BNC2: variants seen among roughly 807,000 people sequenced by gnomAD.
The protein encoded by BNC2 is basonuclin zinc finger protein 2.
BNC2 carries 20 observed loss-of-function variants against 76.3 expected under a neutral mutation model. The ratio of observed to expected loss-of-function variants is 0.26; its 90% CI spans 0.18 to 0.38. The LOEUF (loss-of-function observed/expected upper bound fraction) is 0.38, where lower values mean the gene tolerates loss of function less well. Ranked by LOEUF, BNC2 falls within the 10% of genes least tolerant of loss-of-function variation. The pLI is 1.00. For missense variants in BNC2, 1,382 were observed against 1,399.8 expected (o/e 0.99, Z 0.20); for synonymous variants, 582 against 514.8 (o/e 1.13, Z -1.77).
chr9:16,629,406 G>A (rs1404296037), intron 3 of BNC2, among the ~76,000 whole-genome samples: 1 of 152,108 alleles, frequency 6.6e-6, no homozygotes, highest in Non-Finnish European at 1.5e-5. Flanking sequence ...TGGCCTCTGT[G>A]GTTTCTTCCT....
intron 3 of BNC2, among the ~76,000 whole-genome samples, chr9:16,694,948 T>A (rs563652969): frequency 6.6e-6 from 1 of 152,302 alleles, no homozygotes; most frequent in South Asian, 2.1e-4. Flanking sequence ...GTAGTCTGTA[T>A]CAGACAGGTA....
chr9:16,486,887 A>G (rs1822175125), intron 5 of BNC2, among the ~76,000 whole-genome samples: 1 of 151,994 alleles, frequency 6.6e-6, no homozygotes, highest in Non-Finnish European at 1.5e-5. Context: ...CACCATGCCT[A>G]ATTTTTTTTA....
intron 3 of BNC2, among the ~76,000 whole-genome samples, chr9:16,623,087 T>A (rs1390614850): frequency 6.6e-6 from 1 of 152,184 alleles, no homozygotes; most frequent in Non-Finnish European, 1.5e-5. Flanking sequence ...CATGTATTTT[T>A]ACCAAAATGA....
intron 1 of BNC2, among the ~76,000 whole-genome samples, chr9:16,819,558 G>A (rs536172636): frequency 1.3e-5 from 2 of 152,100 alleles, no homozygotes; most frequent in East Asian, 1.9e-4. Context: ...AGCTACTCAG[G>A]AGGCAGCAGA....
At chr9:16,559,044 G>A (rs1818928992) in intron 4 of BNC2, among the ~76,000 whole-genome samples, 1 of 152,100 alleles carries the variant, frequency 6.6e-6, no homozygotes, top group South Asian at 2.1e-4. Context: ...GGAATGAAGA[G>A]TATTCTAAAC....
intron 1 of BNC2, among the ~76,000 whole-genome samples, chr9:16,782,019 G>A (rs1441988406): frequency 6.6e-6 from 1 of 152,036 alleles, no homozygotes; most frequent in Non-Finnish European, 1.5e-5. Flanking sequence ...GGGCGTGGTG[G>A]CTCATGCCTG....
chr9:16,760,438 A>C (rs1329741891), intron 1 of BNC2, among the ~76,000 whole-genome samples: 1 of 152,200 alleles, frequency 6.6e-6, no homozygotes, highest in African/African-American at 2.4e-5. Context: ...ACAAAATCTT[A>C]TTCTTAGGAT....
chr9:16,775,779 C>G (rs919122831), intron 1 of BNC2: 1 of 174,788 alleles, frequency 5.7e-6, no homozygotes, highest in African/African-American at 2.4e-5. Flanking sequence ...TATTAAGTGT[C>G]CTTCCATCTT....
chr9:16,430,698 C>G (rs1387728765), intron 6 of BNC2, among the ~76,000 whole-genome samples: 1 of 152,160 alleles, frequency 6.6e-6, no homozygotes, highest in Non-Finnish European at 1.5e-5. Context: ...CAAGCTAATA[C>G]TATACATTTC....
At chr9:16,531,577 AAAAC>A (rs1445442669) in intron 5 of BNC2, among the ~76,000 whole-genome samples, 4 of 152,116 alleles carry the variant, frequency 2.6e-5, no homozygotes, top group Admixed American at 6.6e-5. Flanking sequence ...ATTTTCAGTA[AAAAC>A]AAACAAACAA....
At position 16,689,118 on chromosome 9, in the gene BNC2, C is replaced by CCA. The variant is rs60237205; in HGVS notation, c.330+38677_330+38678dup. Among the ~76,000 whole-genome samples, 490 of 135,466 alleles carry CCA rather than the reference C, an allele frequency of 3.6e-3. 11 individuals carry two copies. Among genetic ancestry groups the CCA allele is most frequent in the Admixed American group, 0.032 (405 of 12,788 alleles). 88.9% of individuals were successfully genotyped at this position (135,466 alleles called of 152,430 possible). ...TATGGCAGGCTTCCTACACACATAA[C>CCA]CACACACACACACACATACACACAC... On this transcript the variant is annotated intron_variant, in intron 3 of 6. Coordinates refer to ENST00000380672, the MANE Select transcript of BNC2 (RefSeq NM_017637.6).
chr9:16,722,783 G>C (rs1484706388), intron 3 of BNC2, among the ~76,000 whole-genome samples: 2 of 152,114 alleles, frequency 1.3e-5, no homozygotes, highest in Admixed American at 1.3e-4. Context: ...CATGTACATA[G>C]AATACCATAT....
chr9:16,702,538 TAAA>T (rs35763446), intron 3 of BNC2, among the ~76,000 whole-genome samples: 566 of 138,326 alleles, frequency 4.1e-3, no homozygotes, highest in Non-Finnish European at 4.9e-3. Context: ...TTTCTTTACT[TAAA>T]AAAAAAAAAA....
In BNC2 at chr9:16,537,737, C is replaced by G. The variant is rs539671800; in HGVS notation, c.669+14793G>C. ...TATTTGACCTGTGGCATAGGCAAAT[C>G]TAAAAAGTTTGTGAAATTTAAACTA... On this transcript the variant is annotated intron_variant, in intron 5 of 6. Coordinates refer to ENST00000380672, the MANE Select transcript of BNC2 (RefSeq NM_017637.6). Among the ~76,000 whole-genome samples, 3 of 152,224 alleles carry G rather than the reference C, an allele frequency of 2.0e-5. No individual in the cohort carries two copies. The South Asian group carries it at 6.2e-4, about 32-fold the overall frequency.
chr9:16,868,582 C>G (rs539215910), intron 1 of BNC2, among the ~76,000 whole-genome samples: 140 of 152,276 alleles, frequency 9.2e-4, no homozygotes, highest in African/African-American at 3.2e-3. Flanking sequence ...AGTTTCAGAC[C>G]TTTCTCAAAA....
At chr9:16,560,114 C>A (rs982199992) in intron 4 of BNC2, among the ~76,000 whole-genome samples, 1 of 152,148 alleles carries the variant, frequency 6.6e-6, no homozygotes, top group Non-Finnish European at 1.5e-5. Context: ...GACTGCTGGG[C>A]CACCTCCCCC....
intron 1 of BNC2, among the ~76,000 whole-genome samples, chr9:16,810,330 G>GCATT (rs903921282): frequency 2.0e-5 from 3 of 152,172 alleles, no homozygotes; most frequent in Admixed American, 6.5e-5. Context: ...CACAAGACAG[G>GCATT]CATTCACTCT....
intron 5 of BNC2, among the ~76,000 whole-genome samples, chr9:16,529,747 C>T (rs1411784371): frequency 1.3e-5 from 2 of 152,164 alleles, no homozygotes; most frequent in Non-Finnish European, 2.9e-5. Flanking sequence ...TGAAAAGTTT[C>T]ATCCTTAATC....
chr9:16,631,252 C>G (rs1563871959), intron 3 of BNC2, among the ~76,000 whole-genome samples: 1 of 152,184 alleles, frequency 6.6e-6, no homozygotes, highest in Non-Finnish European at 1.5e-5. Context: ...TAATGAACCA[C>G]AGATCTAAAT....
Sources: gnomAD v4.1 joint callset for allele counts (sites outside exome capture counted in the v4.1 genomes callset) on GRCh38, gnomAD v4.1.1 for gene constraint, MANE v1.5 for transcripts, NCBI Gene and HGNC (gene_info 2026-07-23, HGNC 2026-07-21) for gene names.